Variants in FRMD4B observed in about 807,000 individuals in gnomAD.
FRMD4B encodes the protein FERM domain-containing protein 4B.
A neutral mutation model predicts 141.5 loss-of-function variants in FRMD4B; 74 were observed. That is an observed-to-expected ratio of 0.52 (90% CI 0.43 to 0.63). FRMD4B has a LOEUF of 0.63. Ranked by LOEUF, FRMD4B falls within the 30% of genes least tolerant of loss-of-function variation. FRMD4B has a pLI of 0.00. For missense variants in FRMD4B, 1,366 were observed against 1,253.4 expected, an observed-to-expected ratio of 1.09 and a Z score of -1.36; for synonymous variants, 506 against 467.9, an observed-to-expected ratio of 1.08 and a Z score of -1.05.
chr3:69,314,042 G>C (rs1448718370), intron 1 of FRMD4B, among the ~76,000 whole-genome samples: 3 of 143,882 alleles, frequency 2.1e-5, no homozygotes, highest in East Asian at 2.1e-4. Flanking sequence ...GGGAGGCTGA[G>C]GCAGGAGAAT....
At chr3:69,345,887 CAG>C (rs1270445388) in intron 1 of FRMD4B, among the ~76,000 whole-genome samples, 2 of 152,144 alleles carry the variant, frequency 1.3e-5, no homozygotes, top group Admixed American at 6.5e-5. Context: ...GGGGAAAAAA[CAG>C]AGCAGAAAAG....
chr3:69,208,873 C>T (rs1414667721), intron 11 of FRMD4B, among the ~76,000 whole-genome samples: 7 of 152,180 alleles, frequency 4.6e-5, no homozygotes, highest in South Asian at 2.1e-4. Context: ...ATGCCAGGCG[C>T]GGTGGCTCAC....
intron 1 of FRMD4B, among the ~76,000 whole-genome samples, chr3:69,491,021 C>A (rs1250216187): frequency 6.6e-6 from 1 of 152,172 alleles, no homozygotes; most frequent in Non-Finnish European, 1.5e-5. Context: ...AAATAAATTT[C>A]TCTTCACCTA....
intron 5 of FRMD4B, among the ~76,000 whole-genome samples, chr3:69,280,543 G>A (rs1269797823): frequency 6.6e-6 from 1 of 152,072 alleles, no homozygotes; most frequent in Non-Finnish European, 1.5e-5. Flanking sequence ...GCATCACCAT[G>A]TACAACAACG....
At chr3:69,497,583 T>C (rs760859041) in intron 1 of FRMD4B, among the ~76,000 whole-genome samples, 2 of 152,064 alleles carry the variant, frequency 1.3e-5, no homozygotes, top group Non-Finnish European at 2.9e-5. Flanking sequence ...AAAATAATAA[T>C]AGTAATAATA....
At chr3:69,371,971 A>G (rs948409192) in intron 1 of FRMD4B, among the ~76,000 whole-genome samples, 5 of 152,172 alleles carry the variant, frequency 3.3e-5, no homozygotes, top group African/African-American at 4.8e-5. Context: ...ACTCTAGAAC[A>G]CCAGGGCACC....
intron 2 of FRMD4B, among the ~76,000 whole-genome samples, chr3:69,393,238 T>C (rs1345798659): frequency 6.6e-6 from 1 of 151,430 alleles, no homozygotes; most frequent in African/African-American, 2.4e-5. Context: ...AGCAAAACTT[T>C]CTCATTTCCC....
At position 69,215,937 on chromosome 3, in the gene FRMD4B, T is replaced by G. The variant is rs376725566; in HGVS notation, c.876+326A>C. Among the ~76,000 whole-genome samples the G allele has an allele frequency of 8.2e-4, 125 of 152,092 alleles. 3 individuals carry two copies. In the South Asian group the frequency reaches 0.025, roughly 30 times the overall value. On this transcript the variant is annotated intron_variant, in intron 11 of 22. Transcript: ENST00000398540. ...GGGAGGCCAAGGTGGGCAGATCACT[T>G]GAGGTCAGAAGTTTGAGACCAGCCT...
At chr3:69,210,193 A>G (rs2093062055) in intron 11 of FRMD4B, among the ~76,000 whole-genome samples, 1 of 152,228 alleles carries the variant, frequency 6.6e-6, no homozygotes, top group African/African-American at 2.4e-5. Context: ...TATCTTGAGA[A>G]GCATTTTGTC....
At chr3:69,397,042 A>C (rs1387771062) in intron 2 of FRMD4B, among the ~76,000 whole-genome samples, 2 of 152,244 alleles carry the variant, frequency 1.3e-5, no homozygotes, top group Non-Finnish European at 2.9e-5. Flanking sequence ...GTATGTTCAC[A>C]CACACAAATT....
intron 1 of FRMD4B, among the ~76,000 whole-genome samples, chr3:69,325,769 T>G (rs566828253): frequency 2.6e-5 from 4 of 152,300 alleles, no homozygotes; most frequent in Admixed American, 2.0e-4. Flanking sequence ...CACCATTTAT[T>G]GAGTATAGGT....
At chr3:69,537,625 T>A (rs1701108374) in intron 1 of FRMD4B, among the ~76,000 whole-genome samples, 1 of 152,178 alleles carries the variant, frequency 6.6e-6, no homozygotes, top group Non-Finnish European at 1.5e-5. Context: ...CATTGGAAAA[T>A]AAAGTAACTA....
At chr3:69,451,808 A>AAAAACACTC (rs1286777626) in intron 1 of FRMD4B, among the ~76,000 whole-genome samples, 1 of 152,210 alleles carries the variant, frequency 6.6e-6, no homozygotes, top group Admixed American at 6.5e-5. Context: ...GCTCTGTACT[A>AAAAACACTC]AGGCCCTGGC....
At chr3:69,225,694 C>CAAAAAAAA (rs144489759) in intron 7 of FRMD4B, among the ~76,000 whole-genome samples, 3 of 23,358 alleles carry the variant, frequency 1.3e-4, no homozygotes, top group African/African-American at 5.5e-4. Flanking sequence ...GACTCCGTCT[C>CAAAAAAAA]AAAAAAAAAA....
chr3:69,248,595 A>G (rs1481050617), intron 7 of FRMD4B, among the ~76,000 whole-genome samples: 1 of 152,238 alleles, frequency 6.6e-6, no homozygotes, highest in African/African-American at 2.4e-5. Flanking sequence ...ATTGGCCTAC[A>G]AAGGGAAGCA....
At chr3:69,236,229 T>C (rs1022671308) in intron 7 of FRMD4B, among the ~76,000 whole-genome samples, 3 of 133,366 alleles carry the variant, frequency 2.2e-5, no homozygotes. Context: ...ATTGTTTTGG[T>C]TTTTTTTTTT....
chr3:69,287,293 T>A (rs1285327351), intron 5 of FRMD4B, among the ~76,000 whole-genome samples: 1 of 152,246 alleles, frequency 6.6e-6, no homozygotes, highest in Non-Finnish European at 1.5e-5. Context: ...AATATGTGGC[T>A]GTGAGCAGCT....
chr3:69,205,077 A>AAAAAAAAAAG (rs1216411200), intron 11 of FRMD4B, among the ~76,000 whole-genome samples: 8 of 150,614 alleles, frequency 5.3e-5, no homozygotes, highest in African/African-American at 1.7e-4. Context: ...AAAAAAAAGA[A>AAAAAAAAAAG]AAAGAGAAAA....
chr3:69,288,907 GATAA>G (rs1261269968), intron 4 of FRMD4B, among the ~76,000 whole-genome samples: 1 of 152,178 alleles, frequency 6.6e-6, no homozygotes, highest in Non-Finnish European at 1.5e-5. Flanking sequence ...TGATACCTTT[GATAA>G]ATAAATGCAG....
Sources: gnomAD v4.1 joint callset for allele counts (sites outside exome capture counted in the v4.1 genomes callset) on GRCh38, gnomAD v4.1.1 for gene constraint, MANE v1.5 for transcripts, NCBI Gene and HGNC (gene_info 2026-07-23, HGNC 2026-07-21) for gene names.